ERLEC1: variants seen among roughly 807,000 people sequenced by gnomAD.
ERLEC1 encodes the protein ER lectin.
ERLEC1 carries 47 observed loss-of-function variants against 68.0 expected under a neutral mutation model. The observed-to-expected ratio is 0.69, with a 90% CI of 0.55 to 0.88. The LOEUF (loss-of-function observed/expected upper bound fraction) is 0.88. Among genes scored for constraint, ERLEC1 ranks in the 40% least tolerant of loss-of-function variants. ERLEC1 has a pLI of 0.00. For synonymous variants in ERLEC1, 225 were observed against 203.2 expected (o/e 1.11, Z -0.91); for missense variants, 567 against 583.8 (o/e 0.97, Z 0.30).
intron 10 of ERLEC1, among the ~76,000 whole-genome samples, chr2:53,811,395 C>T (rs1224882577): frequency 6.6e-6 from 1 of 152,170 alleles, no homozygotes; most frequent in Non-Finnish European, 1.5e-5. Context: ...AATTGCCTTC[C>T]AGAGTTAGAC....
intron 10 of ERLEC1, among the ~76,000 whole-genome samples, chr2:53,810,809 G>A (rs1676554063): frequency 6.6e-6 from 1 of 151,976 alleles, no homozygotes; most frequent in Non-Finnish European, 1.5e-5. Context: ...TTTCATTTAA[G>A]TATTCTTTCC....
In ERLEC1 at chr2:53,797,789, GA is replaced by G; in HGVS notation, c.489del (p.Glu164AsnfsTer22). On this transcript the variant is annotated frameshift_variant, in exon 5 of 14. Transcript: ENST00000185150. LOFTEE classifies it high-confidence loss of function. ...TATGTTGGCCAAGAACCTTCTATTT[GA>G]AAAAGGTTGGTGTCTACCCAGTGAT... ...GNMLAKNLLF[E>X]KEREAEEKEK... 1 of 1,611,564 alleles carries G rather than the reference GA, an allele frequency of 6.2e-7. No homozygotes were observed. The highest frequency in any genetic ancestry group is 1.3e-5 in the African/African-American group (1 of 74,948).
intron 11 of ERLEC1, 99 bp from the exon 12 acceptor site, chr2:53,814,444 C>A: frequency 1.4e-6 from 1 of 707,314 alleles, no homozygotes; most frequent in South Asian, 2.5e-5. Flanking sequence ...TTAACTAATG[C>A]AAAACTGATC....
At position 53,808,311 on chromosome 2, in the gene ERLEC1, T is replaced by A. The variant is rs183744259; in HGVS notation, c.892T>A (p.Ser298Thr). 6.2e-7 allele frequency: 1 copy of A among 1,612,784 alleles called. No homozygotes were observed. The highest frequency in any genetic ancestry group is 1.7e-5 in the Admixed American group (1 of 59,546). ...FRRNKEEDLQ[S>T]TKEERFPAIH... is the part of the protein sequence containing the mutation. ...TGTTTAATTTTAGGAAGATTTGCAA[T>A]CAACTAAAGAAGAGAGATTTCCAGC... is the stretch of plus-strand genomic sequence containing the variant. Residue 298 changes from serine (S) to threonine (T), a missense_variant, in exon 9 of 14, where the codon TCA (serine) becomes ACA (threonine). Physicochemically the swap from Ser to Thr is moderately conservative, Grantham distance 58. Transcript: ENST00000185150.
intron 8 of ERLEC1, among the ~76,000 whole-genome samples, chr2:53,802,320 C>T (rs1676049174): frequency 6.6e-6 from 1 of 152,168 alleles, no homozygotes; most frequent in Admixed American, 6.5e-5. Flanking sequence ...CTCTTTCATA[C>T]TGACCCTTTT....
chr2:53,803,976 A>G (rs1463686390), intron 8 of ERLEC1, among the ~76,000 whole-genome samples: 1 of 151,986 alleles, frequency 6.6e-6, no homozygotes, highest in South Asian at 2.1e-4. Flanking sequence ...TAAAAATACA[A>G]AAAAATTAGC....
At chr2:53,809,127 A>G in intron 9 of ERLEC1, 87 bp from the exon 10 acceptor site, 4 of 899,316 alleles carry the variant, frequency 4.4e-6, no homozygotes, top group Non-Finnish European at 6.9e-6. Flanking sequence ...GGTTTTAAAA[A>G]TAACATGTAT....
intron 11 of ERLEC1, among the ~76,000 whole-genome samples, 191 bp downstream of exon 11, chr2:53,813,264 G>A (rs1676688254): frequency 6.6e-6 from 1 of 152,134 alleles, no homozygotes; most frequent in African/African-American, 2.4e-5. Flanking sequence ...AGTCCCTGGA[G>A]TCAGACTACC....
At chr2:53,805,776 G>C (rs1676264093) in intron 8 of ERLEC1, among the ~76,000 whole-genome samples, 1 of 152,176 alleles carries the variant, frequency 6.6e-6, no homozygotes, top group South Asian at 2.1e-4. Flanking sequence ...CAGTATACAA[G>C]GGTTACCTTT....
intron 13 of ERLEC1, among the ~76,000 whole-genome samples, chr2:53,815,855 G>A (rs1676848929): frequency 6.6e-6 from 1 of 152,102 alleles, no homozygotes; most frequent in Non-Finnish European, 1.5e-5. Context: ...ATCACCATAA[G>A]CATTTATTGT....
intron 8 of ERLEC1, among the ~76,000 whole-genome samples, chr2:53,806,337 C>G (rs921494597): frequency 2.0e-5 from 3 of 152,154 alleles, no homozygotes; most frequent in African/African-American, 7.2e-5. Flanking sequence ...TGCTTCTATT[C>G]TTGCCACCTC....
intron 1 of ERLEC1, among the ~76,000 whole-genome samples, chr2:53,792,935 A>C (rs370122390): frequency 1.3e-5 from 2 of 151,872 alleles, no homozygotes; most frequent in South Asian, 4.2e-4. Flanking sequence ...ACCTGAGTCC[A>C]GGAGGTCAGG....
At chr2:53,799,002 C>G (rs202222102) in intron 5 of ERLEC1, 45 bp from the exon 6 acceptor site, 2 of 1,582,922 alleles carry the variant, frequency 1.3e-6, no homozygotes, top group East Asian at 4.5e-5. Context: ...ATTTGTACCA[C>G]ATATGTCACT....
chr2:53,809,156 G>A (rs1452935553), intron 9 of ERLEC1, 58 bp from the exon 10 acceptor site: 13 of 1,161,434 alleles, frequency 1.1e-5, no homozygotes, highest in Non-Finnish European at 1.3e-5. Context: ...CTGTCATGTG[G>A]CATTATTGAG....
At chr2:53,791,482 C>T (rs777758248) in intron 1 of ERLEC1, among the ~76,000 whole-genome samples, 5 of 152,108 alleles carry the variant, frequency 3.3e-5, no homozygotes, top group East Asian at 1.9e-4. Context: ...TTAGTGGATC[C>T]GAATTTTTAG....
Position 53,787,099 on chromosome 2 carries a change from A to C in ERLEC1, c.-112A>C. ...AGACGTGGCGGCGGTTGGGCCGGTG[A>C]TACCCGGGCGCTTTATAGTCCCGCC... On this transcript the variant is annotated 5_prime_UTR_variant, in exon 1 of 14. Coordinates refer to ENST00000185150, the MANE Select transcript of ERLEC1 (RefSeq NM_015701.5). 7.4e-7 allele frequency: 1 copy of C among 1,356,062 alleles called. No homozygotes were observed. Among genetic ancestry groups the C allele is most frequent in the Non-Finnish European group, 9.6e-7 (1 of 1,038,516 alleles). 84.0% of individuals were successfully genotyped at this position (1,356,062 alleles called of 1,614,324 possible).
At position 53,793,391 on chromosome 2, in the gene ERLEC1, T is replaced by C. The variant is rs189469545; in HGVS notation, c.163-954T>C. Reference sequence around the variant, plus strand: ...TCAGCAAACTACAGCCATTGCGCTGTCCCACCACATATTTTTATAAATAAG... The same window carrying C: ...TCAGCAAACTACAGCCATTGCGCTGCCCCACCACATATTTTTATAAATAAG... On this transcript the variant is annotated intron_variant, in intron 1 of 13. Transcript: ENST00000185150. Among the ~76,000 whole-genome samples the C allele has an allele frequency of 2.2e-4, 33 of 152,340 alleles. No individual in the cohort carries two copies. The East Asian group carries it at 6.2e-3, about 28-fold the overall frequency.
chr2:53,810,453 G>C (rs1382073806), intron 10 of ERLEC1, among the ~76,000 whole-genome samples: 1 of 152,096 alleles, frequency 6.6e-6, no homozygotes, highest in African/African-American at 2.4e-5. Flanking sequence ...CTTAAATTCT[G>C]AGGTTCAAGT....
At position 53,808,318 on chromosome 2, in the gene ERLEC1, A is replaced by C; in HGVS notation, c.899A>C (p.Lys300Thr). The C allele has an allele frequency of 6.2e-7, 1 of 1,613,786 alleles. No individual in the cohort carries two copies. The highest frequency in any genetic ancestry group is 8.5e-7 in the Non-Finnish European group (1 of 1,179,800). Residue 300 changes from lysine to threonine, a missense_variant, in exon 9 of 14, where the codon AAA becomes ACA. Physicochemically the swap from Lys to Thr is moderately conservative, Grantham distance 78. Transcript: ENST00000185150. The part of the protein sequence containing the change: ...RNKEEDLQST[K>T]EERFPAIHKS... ...TTTTAGGAAGATTTGCAATCAACTA[A>C]AGAAGAGAGATTTCCAGCGATCCAC...
Sources: gnomAD v4.1 joint callset for allele counts (sites outside exome capture counted in the v4.1 genomes callset) on GRCh38, gnomAD v4.1.1 for gene constraint, MANE v1.5 for transcripts, NCBI Gene and HGNC (gene_info 2026-07-23, HGNC 2026-07-21) for gene names.